Variants in XPR1 observed in about 807,000 individuals in gnomAD.
The protein encoded by XPR1 is xenotropic and polytropic retrovirus receptor 1, also known as solute carrier family 53 member 1.
XPR1 carries 28 observed loss-of-function variants against 87.5 expected under a neutral mutation model. The ratio of observed to expected loss-of-function variants is 0.32; its 90% CI spans 0.24 to 0.44. XPR1 has a LOEUF of 0.44. XPR1 is among the 20% of genes least tolerant of loss of function. The probability of loss-of-function intolerance (pLI) is 1.00; values close to 1 mark genes in which losing one functional copy is unlikely to be tolerated. For synonymous variants in XPR1, 300 were observed against 306.1 expected, an observed-to-expected ratio of 0.98 and a Z score of 0.21; for missense variants, 559 against 862.3, an observed-to-expected ratio of 0.65 and a Z score of 4.41.
intron 1 of XPR1, among the ~76,000 whole-genome samples, chr1:180,651,881 A>G (rs1403150346): frequency 2.0e-5 from 3 of 152,228 alleles, no homozygotes; most frequent in Non-Finnish European, 4.4e-5. Context: ...AAAAATAACA[A>G]TAGCTGACAC....
At chr1:180,694,773 GCACACACA>G (rs56118040) in intron 2 of XPR1, among the ~76,000 whole-genome samples, 53,276 of 149,494 alleles carry the variant, frequency 0.36, 9,520 homozygotes, top group Non-Finnish European at 0.38. Flanking sequence ...ATTGTTGTGT[GCACACACA>G]CACACACACA....
chr1:180,740,449 TTTAGA>T (rs1195196281), intron 2 of XPR1, among the ~76,000 whole-genome samples: 1 of 152,138 alleles, frequency 6.6e-6, no homozygotes, highest in East Asian at 1.9e-4. Flanking sequence ...TACACTGTAA[TTTAGA>T]TTACATTTTT....
intron 2 of XPR1, among the ~76,000 whole-genome samples, chr1:180,747,023 T>A (rs2102031963): frequency 6.6e-6 from 1 of 152,328 alleles, no homozygotes; most frequent in African/African-American, 2.4e-5. Flanking sequence ...TAATCATTTT[T>A]TAATGTCAAA....
At chr1:180,671,774 A>G (rs1049573376) in intron 1 of XPR1, among the ~76,000 whole-genome samples, 1 of 152,052 alleles carries the variant, frequency 6.6e-6, no homozygotes, top group African/African-American at 2.4e-5. Context: ...CGGCCTCCCA[A>G]AGTGCTGGGA....
chr1:180,875,367 G>A (rs1452547426), intron 13 of XPR1, among the ~76,000 whole-genome samples: 1 of 151,944 alleles, frequency 6.6e-6, no homozygotes, highest in Non-Finnish European at 1.5e-5. Context: ...AAATTAGCTG[G>A]GCATGGTGGT....
In XPR1 at chr1:180,744,650, C is replaced by CTTTTTTTTTTTTTTTTTTTT. The variant is rs200044209; in HGVS notation, c.122-43100_122-43099insTTTTTTTTTTTTTTTTTTTT. Among the ~76,000 whole-genome samples, 161 of 56,930 alleles carry CTTTTTTTTTTTTTTTTTTTT rather than the reference C, an allele frequency of 2.8e-3. 22 individuals carry two copies. Among genetic ancestry groups the CTTTTTTTTTTTTTTTTTTTT allele is most frequent in the African/African-American group, 5.4e-3 (92 of 17,120 alleles). 37.3% of individuals were successfully genotyped at this position (56,930 alleles called of 152,430 possible). A position where few individuals can be genotyped will look rare whatever the true frequency, so the allele number is the denominator to read the frequency against. On this transcript the variant is annotated intron_variant, in intron 2 of 14. Transcript: ENST00000367590. ...ACTTGTTCAGGTTTAGGCACAATTT[C>CTTTTTTTTTTTTTTTTTTTT]TTTCTTTTTTTTTTTTTTGAGACAG...
chr1:180,677,295 C>T (rs1372930022), intron 1 of XPR1, among the ~76,000 whole-genome samples: 1 of 152,130 alleles, frequency 6.6e-6, no homozygotes, highest in African/African-American at 2.4e-5. Context: ...CACATAGAAC[C>T]GTCTATACAG....
chr1:180,648,922 A>G (rs1307706485), intron 1 of XPR1, among the ~76,000 whole-genome samples: 1 of 152,160 alleles, frequency 6.6e-6, no homozygotes, highest in Non-Finnish European at 1.5e-5. Context: ...TGATAATAAT[A>G]TTTTAGCTAT....
At chr1:180,859,708 T>C (rs1156954469) in intron 11 of XPR1, among the ~76,000 whole-genome samples, 6 of 152,184 alleles carry the variant, frequency 3.9e-5, no homozygotes, top group Non-Finnish European at 8.8e-5. Flanking sequence ...TGAAATATTC[T>C]GTAAGAATAT....
chr1:180,866,436 C>G (rs1174556214), intron 12 of XPR1, among the ~76,000 whole-genome samples: 1 of 152,120 alleles, frequency 6.6e-6, no homozygotes, highest in Non-Finnish European at 1.5e-5. Flanking sequence ...TTTTTGTCAT[C>G]TTTATATTCA....
Position 180,652,907 on chromosome 1 carries a change from G to A in XPR1, c.69+20637G>A, listed in dbSNP as rs560086213. On this transcript the variant is annotated intron_variant, in intron 1 of 14. Coordinates refer to ENST00000367590, the MANE Select transcript of XPR1 (RefSeq NM_004736.4). ...GTAATTCTGGCTCAGTATTTTGTGA[G>A]ATTGCAGTCAAGATGTTAGCTGGGG... Among the ~76,000 whole-genome samples, 4 of 152,288 alleles carry A rather than the reference G, an allele frequency of 2.6e-5. 1 individual carries two copies. In the East Asian group the frequency reaches 7.7e-4, roughly 29 times the overall value.
rs891022398 is a variant in XPR1, at chr1:180,837,978, C to A, written c.1501+1262C>A. Among the ~76,000 whole-genome samples the A allele has an allele frequency of 2.6e-5, 4 of 152,076 alleles. No homozygotes were observed. In the East Asian group the frequency reaches 7.7e-4, roughly 29 times the overall value. On this transcript the variant is annotated intron_variant, in intron 11 of 14. Transcript: ENST00000367590. ...GTCGAATATTTTAGAACATAATATA[C>A]CTTTAACTGCAGTTGACGCCTGAAC...
Position 180,801,785 on chromosome 1 carries a change from A to AT in XPR1, c.224-1590dup, listed in dbSNP as rs542465078. Among the ~76,000 whole-genome samples, 1,118 of 145,160 alleles carry AT rather than the reference A, an allele frequency of 7.7e-3. 7 individuals are homozygous for AT. The highest frequency in any genetic ancestry group is 0.024 in the South Asian group (110 of 4,582). On this transcript the variant is annotated intron_variant, in intron 3 of 14. Transcript: ENST00000367590. ...TTTATTGAGTGCTATGTCCCTTGGC[A>AT]TTTTTTTTTTTTTGAGACAGTGTCT...
intron 14 of XPR1, among the ~76,000 whole-genome samples, chr1:180,882,393 G>A (rs1652873738): frequency 6.6e-6 from 1 of 152,094 alleles, no homozygotes; most frequent in African/African-American, 2.4e-5. Flanking sequence ...TCGCTCCGTT[G>A]CCCAGGTTGG....
At chr1:180,834,305 C>T (rs913253600) in intron 9 of XPR1, among the ~76,000 whole-genome samples, 6 of 152,118 alleles carry the variant, frequency 3.9e-5, no homozygotes, top group African/African-American at 1.4e-4. Context: ...GTCTCGAACT[C>T]CTGACCTCAT....
chr1:180,671,833 G>C (rs1656189147), intron 1 of XPR1, among the ~76,000 whole-genome samples: 1 of 151,950 alleles, frequency 6.6e-6, no homozygotes, highest in African/African-American at 2.4e-5. Context: ...TTGTTTGTTT[G>C]TTTAAAGAGA....
At chr1:180,872,554 T>C (rs1189596202) in intron 12 of XPR1, among the ~76,000 whole-genome samples, 1 of 81,328 alleles carries the variant, frequency 1.2e-5, no homozygotes, top group African/African-American at 5.1e-5. Context: ...AAAAGCGCAA[T>C]ATTCGGGTGG....
intron 7 of XPR1, among the ~76,000 whole-genome samples, chr1:180,821,899 T>C (rs1039874609): frequency 6.6e-6 from 1 of 152,256 alleles, no homozygotes; most frequent in Non-Finnish European, 1.5e-5. Context: ...ACAACTGTGA[T>C]GAATTTACTA....
chr1:180,770,005 A>T (rs16856422), intron 2 of XPR1, among the ~76,000 whole-genome samples: 4 of 151,906 alleles, frequency 2.6e-5, no homozygotes, highest in Non-Finnish European at 5.9e-5. Flanking sequence ...TCTCTTAAAT[A>T]ATTATTTTGG....
Sources: allele counts gnomAD v4.1 joint callset (sites outside exome capture counted in the v4.1 genomes callset), GRCh38; gene constraint gnomAD v4.1.1; transcripts MANE v1.5; gene names NCBI Gene and HGNC (gene_info 2026-07-23, HGNC 2026-07-21).